TENM3: variants seen among roughly 807,000 people sequenced by gnomAD.
TENM3 encodes teneurin transmembrane protein 3, also known as teneurin-3.
In TENM3, 63 loss-of-function variants were observed where a neutral mutation model predicts 255.1. The observed-to-expected ratio is 0.25, with a 90% confidence interval of 0.20 to 0.30. The LOEUF is 0.30. TENM3 is among the 10% of genes least tolerant of loss of function. The pLI is 1.00. For missense variants in TENM3, 2,929 were observed against 3,461.1 expected (o/e 0.85, Z 3.86); for synonymous variants, 1,306 against 1,322.3 (o/e 0.99, Z 0.27).
intron 3 of TENM3, among the ~76,000 whole-genome samples, chr4:182,475,372 A>C (rs903867806): frequency 6.6e-6 from 1 of 151,406 alleles, no homozygotes; most frequent in South Asian, 2.1e-4. Context: ...GGGTGTGTCT[A>C]CTATTGGTGT....
the TENM3 span, among the ~76,000 whole-genome samples, chr4:181,538,223 C>G: frequency 6.6e-6 from 1 of 152,152 alleles, no homozygotes; most frequent in Non-Finnish European, 1.5e-5. Context: ...GATCAATACA[C>G]AGATTACATT....
At chr4:182,739,182 G>T (rs554924827) in intron 18 of TENM3, among the ~76,000 whole-genome samples, 2 of 152,044 alleles carry the variant, frequency 1.3e-5, no homozygotes, top group African/African-American at 2.4e-5. Flanking sequence ...AATCAAAAGC[G>T]TTCCTAGGAG....
intron 1 of TENM3, among the ~76,000 whole-genome samples, chr4:182,186,130 A>G (rs540270432): frequency 2.6e-5 from 4 of 152,328 alleles, no homozygotes; most frequent in Admixed American, 2.6e-4. Context: ...TTTGACCTCA[A>G]GTATTACAAT....
At chr4:182,764,245 G>C (rs1265738143) in intron 22 of TENM3, among the ~76,000 whole-genome samples, 2 of 152,196 alleles carry the variant, frequency 1.3e-5, no homozygotes, top group African/African-American at 4.8e-5. Flanking sequence ...TTCCTGTTTA[G>C]CCCGTAATTT....
intron 3 of TENM3, among the ~76,000 whole-genome samples, chr4:182,563,810 C>T (rs1743479331): frequency 6.6e-6 from 1 of 152,148 alleles, no homozygotes; most frequent in Non-Finnish European, 1.5e-5. Context: ...CCTAATAATG[C>T]CTAACATTTC....
chr4:182,069,876 C>G, the TENM3 span, among the ~76,000 whole-genome samples: 1 of 152,060 alleles, frequency 6.6e-6, no homozygotes, highest in Non-Finnish European at 1.5e-5. Flanking sequence ...TAAGGACAGC[C>G]AGTTAAACAG....
At chr4:182,677,701 C>G (rs932399441) in intron 7 of TENM3, among the ~76,000 whole-genome samples, 1 of 152,124 alleles carries the variant, frequency 6.6e-6, no homozygotes, top group Non-Finnish European at 1.5e-5. Flanking sequence ...TCAGGTTATA[C>G]TGTTTTTATA....
rs529637466 is a variant in TENM3 at position 182,176,821 on chromosome 4, ATTTTT to A, written c.-76+32089_-76+32093del. 7.1e-5 allele frequency among the ~76,000 whole-genome samples: 8 copies of A among 113,360 alleles called. 1 individual carries two copies. The highest frequency in any genetic ancestry group is 1.6e-4 in the African/African-American group (5 of 30,418). The allele number at this position is 113,360 out of a possible 152,430, so 74.4% of individuals were successfully genotyped here. ...GGACTACTAAATTAGCATCCGGCTA[ATTTTT>A]TTTTTTTTTTTTTTTTTTTTTGATT... On this transcript the variant is annotated intron_variant, in intron 1 of 2. Transcript: ENST00000512480.
At chr4:182,206,910 A>G (rs1184788219) in intron 1 of TENM3, among the ~76,000 whole-genome samples, 5 of 152,088 alleles carry the variant, frequency 3.3e-5, no homozygotes, top group South Asian at 2.1e-4. Flanking sequence ...TAAAATTCCT[A>G]TCTACTATTA....
chr4:181,546,715 GAAA>G, the TENM3 span, among the ~76,000 whole-genome samples: 1 of 93,548 alleles, frequency 1.1e-5, no homozygotes, highest in Non-Finnish European at 2.0e-5. Context: ...CTCCGTCTCA[GAAA>G]AAAAAAAAAA....
At chr4:182,751,646 C>T (rs1434369349) in intron 19 of TENM3, among the ~76,000 whole-genome samples, 154 bp from the exon 20 acceptor site, 1 of 152,160 alleles carries the variant, frequency 6.6e-6, no homozygotes, top group Non-Finnish European at 1.5e-5. Context: ...TCTTTTGAGT[C>T]ATTATTAAAT....
At chr4:182,474,290 T>G (rs911984589) in intron 3 of TENM3, among the ~76,000 whole-genome samples, 27 of 152,356 alleles carry the variant, frequency 1.8e-4, no homozygotes, top group African/African-American at 5.3e-4. Flanking sequence ...ATATTATGAT[T>G]ATTAATGCAC....
chr4:182,578,621 T>C (rs567163591), intron 3 of TENM3, among the ~76,000 whole-genome samples: 4 of 148,756 alleles, frequency 2.7e-5, no homozygotes, highest in Non-Finnish European at 5.9e-5. Context: ...AAGAAAATAG[T>C]CATCACTTCA....
chr4:182,738,533 A>T lies in TENM3; in HGVS notation c.3368A>T (p.Asp1123Val). Residue 1123 changes from aspartate to valine, a missense_variant, in exon 18 of 28, where the codon GAT becomes GTT. Coordinates refer to ENST00000511685, the MANE Select transcript of TENM3 (RefSeq NM_001080477.4). ...ACATTAGATAAACATCACGTGCTGG[A>T]TGTACAGAACGGTAAGCTCTTGTTC... ...GWTLDKHHVL[D>V]VQNGILYKGN... is the part of the protein sequence containing the mutation. 1 of 1,612,152 alleles carries T rather than the reference A, an allele frequency of 6.2e-7. No homozygotes were observed. The highest frequency in any genetic ancestry group is 8.5e-7 in the Non-Finnish European group (1 of 1,179,098).
intron 4 of TENM3, among the ~76,000 whole-genome samples, chr4:182,619,869 T>C (rs1749932791): frequency 6.6e-6 from 1 of 152,140 alleles, no homozygotes; most frequent in South Asian, 2.1e-4. Flanking sequence ...AGGGCATCAT[T>C]GGAAACATCA....
At chr4:181,829,837 G>A in the TENM3 span, 3 of 152,276 alleles carry the variant, frequency 2.0e-5, no homozygotes, top group Non-Finnish European at 4.4e-5. Context: ...CCCAGAGTGA[G>A]GAAGCTCAGT....
the TENM3 span, among the ~76,000 whole-genome samples, chr4:181,492,050 T>G: frequency 0.87 from 131,810 of 152,202 alleles, 57,353 homozygotes; most frequent in South Asian, 0.96. Context: ...GGTAAACTTT[T>G]TTGTCATTTT....
the TENM3 span, among the ~76,000 whole-genome samples, chr4:181,640,748 G>A: frequency 6.6e-6 from 1 of 152,180 alleles, no homozygotes; most frequent in African/African-American, 2.4e-5. Context: ...GGTGATGCCG[G>A]CGTTGCAGCA....
the TENM3 span, among the ~76,000 whole-genome samples, chr4:181,902,273 A>T: frequency 6.6e-6 from 1 of 151,658 alleles, no homozygotes; most frequent in Non-Finnish European, 1.5e-5. Flanking sequence ...TCAGATGGGT[A>T]GATTGCAAAA....
Sources: gnomAD v4.1 joint callset for allele counts (sites outside exome capture counted in the v4.1 genomes callset) on GRCh38, gnomAD v4.1.1 for gene constraint, MANE v1.5 for transcripts, NCBI Gene and HGNC (gene_info 2026-07-23, HGNC 2026-07-21) for gene names.